AXIN2: variants seen among roughly 807,000 people sequenced by gnomAD.
AXIN2 encodes axin-2.
Under a neutral mutation model 74.7 loss-of-function variants are expected in AXIN2, and 21 were observed. That is an observed-to-expected ratio of 0.28 (90% confidence interval 0.20 to 0.40). AXIN2 has a LOEUF of 0.40. Ranked by LOEUF, AXIN2 falls within the 10% of genes least tolerant of loss-of-function variation. The pLI is 1.00. For synonymous variants in AXIN2, 532 were observed against 454.9 expected (o/e 1.17, Z -2.16); for missense variants, 1,144 against 1,111.1 (o/e 1.03, Z -0.42).
Position 65,535,518 on chromosome 17 carries a change from G to T in AXIN2, c.2237+108C>A, listed in dbSNP as rs2043894849. ...TCATCACTAGCGCTAAAATCAAAGT[G>T]ATTTTAAAAACCAAAAAAAGTTTCA... is the stretch of plus-strand genomic sequence containing the variant. On this transcript the variant is annotated intron_variant, in intron 9 of 10. Transcript: ENST00000307078. 2.3e-5 allele frequency: 25 copies of T among 1,077,726 alleles called. 1 individual carries two copies. In the South Asian group the frequency reaches 2.9e-4, roughly 13 times the overall value. 66.8% of individuals were successfully genotyped at this position (1,077,726 alleles called of 1,614,324 possible).
chr17:65,558,649 G>A lies in AXIN2; in HGVS notation c.-29C>T. On this transcript the variant is annotated 5_prime_UTR_variant, in exon 2 of 11. Transcript: ENST00000307078. ...GAGGGAGCTCTTCCCACTGAGTCTGGGAATTTTTCTTCTTCCAGTTCCTCT... is the reference window on the plus strand; with the variant it reads ...GAGGGAGCTCTTCCCACTGAGTCTGAGAATTTTTCTTCTTCCAGTTCCTCT... The A allele has an allele frequency of 6.3e-7, 1 of 1,595,442 alleles. No homozygotes were observed. The highest frequency in any genetic ancestry group is 8.5e-7 in the Non-Finnish European group (1 of 1,177,188).
At chr17:65,538,466 T>C in intron 4 of AXIN2, 123 bp from the exon 5 acceptor site, 2 of 1,331,594 alleles carry the variant, frequency 1.5e-6, no homozygotes, top group South Asian at 1.4e-5. Flanking sequence ...GTAGAGTGGA[T>C]GGCAAGGCGG....
chr17:65,551,865 C>G (rs148379132), intron 2 of AXIN2, among the ~76,000 whole-genome samples: 88 of 152,342 alleles, frequency 5.8e-4, no homozygotes, highest in African/African-American at 2.0e-3. Flanking sequence ...CCGACTGCAT[C>G]AAGTCAGATC....
At chr17:65,542,296 G>C (rs2044055565) in intron 3 of AXIN2, among the ~76,000 whole-genome samples, 2 of 152,316 alleles carry the variant, frequency 1.3e-5, no homozygotes, top group South Asian at 2.1e-4. Context: ...CTATGTGCCA[G>C]ATCTTCTCCT....
Position 65,537,620 on chromosome 17 carries a change from G to A in AXIN2, c.1416C>T (p.His472=), listed in dbSNP as rs1555577879. 1 of 1,593,646 alleles carries A rather than the reference G, an allele frequency of 6.3e-7. No individual in the cohort carries two copies. The highest frequency in any genetic ancestry group is 1.7e-4 in the Middle Eastern group (1 of 5,914). The change falls in exon 6 of 11, where the codon CAC becomes CAT. Residue 472 remains histidine (H), a synonymous_variant. Transcript: ENST00000307078. ...GCAGGGAGTGGTACTGCGAATGGTG[G>A]TGGTGGTGGTGGTCCGGGGAGCGGG... ...PRSRSPDHHH[H]HHSQYHSLLP...
chr17:65,543,050 T>G (rs912858241), intron 3 of AXIN2, among the ~76,000 whole-genome samples: 2 of 152,130 alleles, frequency 1.3e-5, no homozygotes, highest in African/African-American at 4.8e-5. Flanking sequence ...ACAATGAAGA[T>G]TCCAATAGAT....
intron 2 of AXIN2, among the ~76,000 whole-genome samples, chr17:65,553,659 C>T (rs2044224634): frequency 1.3e-5 from 2 of 152,250 alleles, no homozygotes; most frequent in South Asian, 4.2e-4. Context: ...CTGCTCTTAA[C>T]TCAGTTGACT....
chr17:65,558,772 G>A (rs2044316795), intron 1 of AXIN2, 36 bp from the exon 2 acceptor site: 3 of 796,844 alleles, frequency 3.8e-6, no homozygotes, highest in South Asian at 1.5e-5. Flanking sequence ...TGGGGAGAGA[G>A]AAAAGGGTAT....
chr17:65,550,529 C>T (rs1354255367), intron 2 of AXIN2, among the ~76,000 whole-genome samples: 1 of 152,106 alleles, frequency 6.6e-6, no homozygotes, highest in Middle Eastern at 3.2e-3. Context: ...GCTTAAGTAG[C>T]GGGGAGGGGC....
intron 2 of AXIN2, among the ~76,000 whole-genome samples, chr17:65,553,344 A>T (rs2044220510): frequency 6.6e-6 from 1 of 152,148 alleles, no homozygotes; most frequent in African/African-American, 2.4e-5. Flanking sequence ...ACACCAAAAA[A>T]GCCAAAACAG....
chr17:65,535,533 A>G, intron 9 of AXIN2, 93 bp downstream of exon 9: 2 of 1,315,140 alleles, frequency 1.5e-6, no homozygotes, highest in Non-Finnish European at 2.2e-6. Flanking sequence ...TAAAAACCAA[A>G]AAAAGTTTCA....
chr17:65,545,945 T>C (rs1022931669), intron 3 of AXIN2, among the ~76,000 whole-genome samples: 2 of 152,102 alleles, frequency 1.3e-5, no homozygotes. Flanking sequence ...CAGGACTTAA[T>C]TGGTTCTGTC....
chr17:65,554,764 C>T (rs1433467757), intron 2 of AXIN2, among the ~76,000 whole-genome samples: 1 of 152,218 alleles, frequency 6.6e-6, no homozygotes, highest in East Asian at 1.9e-4. Context: ...AGATGAGCCC[C>T]ACCTTGGGCA....
chr17:65,554,223 G>A (rs1044457386), intron 2 of AXIN2, among the ~76,000 whole-genome samples: 3 of 152,032 alleles, frequency 2.0e-5, no homozygotes, highest in African/African-American at 7.3e-5. Flanking sequence ...CTGACCATAG[G>A]GGTCCTCCTC....
chr17:65,538,746 G>A (rs1223517218), intron 4 of AXIN2, among the ~76,000 whole-genome samples: 1 of 135,314 alleles, frequency 7.4e-6, no homozygotes, highest in South Asian at 2.4e-4. Context: ...CCAACTCAAG[G>A]AATAGAAAGT....
intron 10 of AXIN2, among the ~76,000 whole-genome samples, chr17:65,530,670 G>C (rs139800943): frequency 2.2e-4 from 34 of 152,268 alleles, no homozygotes; most frequent in Non-Finnish European, 3.4e-4. Flanking sequence ...AACACTCCTG[G>C]ATGGCCCTGG....
intron 10 of AXIN2, among the ~76,000 whole-genome samples, 155 bp downstream of exon 10, chr17:65,533,757 G>A (rs2043861288): frequency 6.6e-6 from 1 of 152,218 alleles, no homozygotes; most frequent in Non-Finnish European, 1.5e-5. Flanking sequence ...GGTGAGGGGA[G>A]AGAAGAAATG....
chr17:65,530,416 C>T (rs2043797241), intron 10 of AXIN2, among the ~76,000 whole-genome samples: 1 of 152,196 alleles, frequency 6.6e-6, no homozygotes, highest in African/African-American at 2.4e-5. Context: ...AGCTGCTTTC[C>T]CCCCGCCAAC....
chr17:65,532,258 A>G (rs1326288719), intron 10 of AXIN2, among the ~76,000 whole-genome samples: 1 of 152,068 alleles, frequency 6.6e-6, no homozygotes, highest in Admixed American at 6.5e-5. Flanking sequence ...CAGCAGCTGA[A>G]GGAGGCACTT....
Sources: allele counts gnomAD v4.1 joint callset (sites outside exome capture counted in the v4.1 genomes callset), GRCh38; gene constraint gnomAD v4.1.1; transcripts MANE v1.5; gene names NCBI Gene and HGNC (gene_info 2026-07-23, HGNC 2026-07-21).